PITPNM2: variants seen among roughly 807,000 people sequenced by gnomAD.
PITPNM2 encodes the protein phosphatidylinositol transfer protein membrane associated 2, also known as membrane-associated phosphatidylinositol transfer protein 2.
PITPNM2 carries 35 observed loss-of-function variants against 132.2 expected under a neutral mutation model. The observed-to-expected ratio is 0.26, with a 90% confidence interval of 0.20 to 0.35. The LOEUF is 0.35. Among genes scored for constraint, PITPNM2 ranks in the 10% least tolerant of loss-of-function variants. PITPNM2 has a pLI of 1.00. For missense variants in PITPNM2, 1,332 were observed against 1,912.0 expected, an observed-to-expected ratio of 0.70 and a Z score of 5.66; for synonymous variants, 738 against 799.2, an observed-to-expected ratio of 0.92 and a Z score of 1.29.
At chr12:123,124,820 T>C (rs1335104368) in intron 1 of PITPNM2, among the ~76,000 whole-genome samples, 3 of 152,196 alleles carry the variant, frequency 2.0e-5, no homozygotes, top group Non-Finnish European at 4.4e-5. Context: ...ATATTTAAAA[T>C]ATATATGATC....
chr12:123,087,031 C>T (rs145398822), intron 2 of PITPNM2, among the ~76,000 whole-genome samples: 49 of 152,288 alleles, frequency 3.2e-4, no homozygotes, highest in African/African-American at 8.7e-4. Flanking sequence ...GGCTAGGGCA[C>T]TAAAGGGAAG....
At position 123,093,462 on chromosome 12, in the gene PITPNM2, A is replaced by ACACACACG. The variant is rs71972488; in HGVS notation, c.-96+16915_-96+16922dup. On this transcript the variant is annotated intron_variant, in intron 2 of 25. Transcript: ENST00000320201. ...CTCAATAGAGCTGTTATTTAAAAAT[A>ACACACACG]CACACACGCACACACACACACGCGC... is the stretch of plus-strand genomic sequence containing the variant. Among the ~76,000 whole-genome samples, 20 of 151,866 alleles carry ACACACACG rather than the reference A, an allele frequency of 1.3e-4. No individual in the cohort carries two copies. The South Asian group carries it at 3.3e-3, about 25-fold the overall frequency.
chr12:123,124,647 T>A (rs1447135403), intron 1 of PITPNM2, among the ~76,000 whole-genome samples: 1 of 152,170 alleles, frequency 6.6e-6, no homozygotes, highest in Admixed American at 6.5e-5. Flanking sequence ...TGTATACATG[T>A]GCCATGTTGG....
At chr12:123,140,813 A>G (rs2043490917) in intron 1 of PITPNM2, among the ~76,000 whole-genome samples, 1 of 152,176 alleles carries the variant, frequency 6.6e-6, no homozygotes, top group South Asian at 2.1e-4. Flanking sequence ...TTGGCCTCAA[A>G]GTCACATAGA....
chr12:122,995,552 CACT>C lies in PITPNM2; in HGVS notation c.1888_1890del (p.Ser630del), dbSNP rs753522072. The C allele has an allele frequency of 1.9e-6, 3 of 1,609,694 alleles. No homozygotes were observed. The highest frequency in any genetic ancestry group is 1.7e-5 in the Admixed American group (1 of 60,002). On this transcript the variant is annotated inframe_deletion, in exon 14 of 26. Transcript: ENST00000320201. Reference sequence around the variant, plus strand: ...CGACTGCTCTCCAGGCTGGAGCCACCACTACTGCCACCACCACCACTGCTGCCA... The same window carrying C: ...CGACTGCTCTCCAGGCTGGAGCCACCACTGCCACCACCACCACTGCTGCCA...
intron 6 of PITPNM2, among the ~76,000 whole-genome samples, chr12:123,007,219 T>G (rs950470044): frequency 5.3e-5 from 8 of 152,212 alleles, no homozygotes; most frequent in Non-Finnish European, 1.2e-4. Flanking sequence ...TGGGTGAGTT[T>G]TGTCCATGGA....
chr12:123,141,442 TG>T (rs1325816123), intron 1 of PITPNM2, among the ~76,000 whole-genome samples: 2 of 152,136 alleles, frequency 1.3e-5, no homozygotes, highest in African/African-American at 4.8e-5. Context: ...ACCATGCCAC[TG>T]GGCCTGGCAC....
chr12:123,069,890 G>T (rs1382519202), intron 2 of PITPNM2, among the ~76,000 whole-genome samples: 1 of 152,200 alleles, frequency 6.6e-6, no homozygotes, highest in Non-Finnish European at 1.5e-5. Flanking sequence ...TCCTGGAACA[G>T]ATTCTGGTCA....
intron 16 of PITPNM2, chr12:122,991,672 G>C: frequency 8.0e-7 from 1 of 1,255,112 alleles, no homozygotes. Flanking sequence ...GAGTGGCCAA[G>C]GAGGGCATGG....
intron 1 of PITPNM2, among the ~76,000 whole-genome samples, chr12:123,132,668 C>T (rs867393797): frequency 7.9e-5 from 12 of 152,126 alleles, no homozygotes; most frequent in South Asian, 4.2e-4. Flanking sequence ...ACTAAACACT[C>T]ATTCCCCATC....
chr12:123,132,188 AG>A (rs1455817808), intron 1 of PITPNM2, among the ~76,000 whole-genome samples: 1 of 152,240 alleles, frequency 6.6e-6, no homozygotes, highest in Non-Finnish European at 1.5e-5. Context: ...AGCAAGCGAG[AG>A]CCATATAAGG....
chr12:123,080,484 A>C (rs1305302415), intron 2 of PITPNM2, among the ~76,000 whole-genome samples: 1 of 152,216 alleles, frequency 6.6e-6, no homozygotes, highest in Non-Finnish European at 1.5e-5. Flanking sequence ...AGAGGCCCCA[A>C]ACTGAGTGCT....
chr12:123,085,298 C>T (rs895656948), intron 2 of PITPNM2, among the ~76,000 whole-genome samples: 15 of 152,226 alleles, frequency 9.9e-5, no homozygotes, highest in African/African-American at 3.1e-4. Context: ...TGCTCCCTGG[C>T]AGCACCTGGT....
chr12:122,990,733 G>T, intron 16 of PITPNM2, 24 bp from the exon 17 acceptor site: 1 of 1,570,134 alleles, frequency 6.4e-7, no homozygotes, highest in Non-Finnish European at 8.7e-7. Flanking sequence ...GGGACCAGAG[G>T]CCAGGTAAGA....
chr12:123,130,711 C>T (rs1334979615), intron 1 of PITPNM2, among the ~76,000 whole-genome samples: 8 of 151,996 alleles, frequency 5.3e-5, no homozygotes, highest in Admixed American at 5.2e-4. Context: ...ACCCAGGAGG[C>T]GGAGCTTGCA....
intron 3 of PITPNM2, among the ~76,000 whole-genome samples, chr12:123,027,339 A>C (rs2039898804): frequency 6.6e-6 from 1 of 152,194 alleles, no homozygotes; most frequent in East Asian, 1.9e-4. Context: ...AAGGGAGAGC[A>C]CTGGCTTCAG....
At chr12:123,063,956 C>G (rs752961213) in intron 2 of PITPNM2, among the ~76,000 whole-genome samples, 4 of 151,800 alleles carry the variant, frequency 2.6e-5, no homozygotes, top group Non-Finnish European at 4.4e-5. Flanking sequence ...AACAGACAAT[C>G]AATGTAAAGC....
intron 3 of PITPNM2, among the ~76,000 whole-genome samples, chr12:123,033,792 T>C (rs1387924173): frequency 6.6e-6 from 1 of 152,084 alleles, no homozygotes; most frequent in East Asian, 1.9e-4. Flanking sequence ...CAGGGCTAGA[T>C]GAGATCATAT....
chr12:122,986,345 G>A lies in PITPNM2; in HGVS notation c.3732C>T (p.Ile1244=). 1 of 1,582,456 alleles carries A rather than the reference G, an allele frequency of 6.3e-7. No homozygotes were observed. Among genetic ancestry groups the A allele is most frequent in the Non-Finnish European group, 8.6e-7 (1 of 1,165,812 alleles). Residue 1244 remains isoleucine, a synonymous_variant, in exon 26 of 26, where the codon ATC becomes ATT. Coordinates refer to ENST00000320201, the MANE Select transcript of PITPNM2 (RefSeq NM_020845.3). ...CCAGGTGGGCCGCGTAGCCATCCGTGATGAACTGCGGGGTCAGTGAGGACG... is the reference window on the plus strand; with the variant it reads ...CCAGGTGGGCCGCGTAGCCATCCGTAATGAACTGCGGGGTCAGTGAGGACG... ...TKKLQQQCQF[I]TDGYAAHLAQ...
Sources: gnomAD v4.1 joint callset for allele counts (sites outside exome capture counted in the v4.1 genomes callset) on GRCh38, gnomAD v4.1.1 for gene constraint, MANE v1.5 for transcripts, NCBI Gene and HGNC (gene_info 2026-07-23, HGNC 2026-07-21) for gene names.